Variants in DCLK1 observed in about 807,000 individuals in gnomAD.
DCLK1 encodes the protein serine/threonine-protein kinase DCLK1.
A neutral mutation model predicts 86.2 loss-of-function variants in DCLK1; 16 were observed. The observed-to-expected ratio is 0.19, with a 90% CI of 0.13 to 0.28. The LOEUF (loss-of-function observed/expected upper bound fraction) is 0.28, where lower values mean the gene tolerates loss of function less well. Among genes scored for constraint, DCLK1 ranks in the 10% least tolerant of loss-of-function variants. DCLK1 has a pLI of 1.00. For missense variants in DCLK1, 590 were observed against 940.2 expected (o/e 0.63, Z 4.87); for synonymous variants, 369 against 370.5 (o/e 1.00, Z 0.05).
intron 3 of DCLK1, among the ~76,000 whole-genome samples, chr13:36,100,080 C>CA (rs1305918251): frequency 3.4e-5 from 5 of 149,122 alleles, no homozygotes; most frequent in African/African-American, 1.2e-4. Context: ...TGGTGGCTCA[C>CA]ACCTGTAATC....
chr13:36,092,483 C>CTTT (rs71084405), intron 3 of DCLK1, among the ~76,000 whole-genome samples: 4 of 84,962 alleles, frequency 4.7e-5, no homozygotes, highest in African/African-American at 8.5e-5. Context: ...GAGGCGTTTT[C>CTTT]TTTTTTTTTT....
At chr13:35,922,033 T>C (rs7329353) in intron 4 of DCLK1, among the ~76,000 whole-genome samples, 82,969 of 152,008 alleles carry the variant, frequency 0.55, 25,597 homozygotes, top group Non-Finnish European at 0.67. Context: ...ATAAGTTCTA[T>C]CCAACAAAAA....
At chr13:35,973,093 A>G (rs1879148722) in intron 3 of DCLK1, among the ~76,000 whole-genome samples, 1 of 152,146 alleles carries the variant, frequency 6.6e-6, no homozygotes, top group African/African-American at 2.4e-5. Context: ...GAAAGGAATG[A>G]GGATGGCAGG....
chr13:36,092,830 G>T (rs1884885217), intron 3 of DCLK1, among the ~76,000 whole-genome samples: 1 of 152,144 alleles, frequency 6.6e-6, no homozygotes, highest in African/African-American at 2.4e-5. Flanking sequence ...ACGTCTTCCT[G>T]TTCCTTCCCA....
rs1280875461 is a variant in DCLK1, at chr13:35,770,643, TA to T, written c.*3891del. The T allele has an allele frequency of 1.3e-5, 2 of 152,156 alleles. No homozygotes were observed. Among genetic ancestry groups the T allele is most frequent in the Admixed American group, 6.5e-5 (1 of 15,278 alleles). The allele number at this position is 152,156 out of a possible 1,614,324, so 9.4% of individuals were successfully genotyped here. A position where few individuals can be genotyped will look rare whatever the true frequency, so the allele number is the denominator to read the frequency against. On this transcript the variant is annotated 3_prime_UTR_variant, in exon 17 of 17. Transcript: ENST00000360631. ...GCAAAAAAAAATATCATGTAGCAGT[TA>T]AAAAAATTATTGACTTACAAATTAT... is the stretch of plus-strand genomic sequence containing the variant.
At chr13:35,779,091 C>G (rs2086477823) in intron 16 of DCLK1, among the ~76,000 whole-genome samples, 1 of 152,094 alleles carries the variant, frequency 6.6e-6, no homozygotes, top group Non-Finnish European at 1.5e-5. Context: ...TCTTGGCTCA[C>G]TGCAACCGCC....
intron 3 of DCLK1, among the ~76,000 whole-genome samples, chr13:35,975,041 G>A (rs1879264476): frequency 6.6e-6 from 1 of 152,138 alleles, no homozygotes; most frequent in Non-Finnish European, 1.5e-5. Context: ...AAAAAAGTGA[G>A]GGCAGAGCTT....
intron 3 of DCLK1, among the ~76,000 whole-genome samples, chr13:36,041,133 A>G (rs1372226311): frequency 1.3e-5 from 2 of 152,174 alleles, no homozygotes; most frequent in Non-Finnish European, 1.5e-5. Flanking sequence ...CTCAGTTGAT[A>G]GAGCAAAGAA....
intron 8 of DCLK1, among the ~76,000 whole-genome samples, chr13:35,830,357 C>T (rs9788335): frequency 0.19 from 28,176 of 152,104 alleles, 2,895 homozygotes; most frequent in Admixed American, 0.29. Context: ...TGCCACTGCA[C>T]TCCAGCCTGG....
At chr13:36,033,996 A>C (rs183529554) in intron 3 of DCLK1, among the ~76,000 whole-genome samples, 93 of 152,350 alleles carry the variant, frequency 6.1e-4, no homozygotes, top group Non-Finnish European at 9.7e-4. Context: ...AGCTTGATAG[A>C]TAATGAGCAA....
At chr13:35,990,674 T>C (rs1257732344) in intron 3 of DCLK1, among the ~76,000 whole-genome samples, 1 of 151,926 alleles carries the variant, frequency 6.6e-6, no homozygotes, top group Non-Finnish European at 1.5e-5. Flanking sequence ...CTATGTAGAG[T>C]TGTCTACACT....
intron 10 of DCLK1, 56 bp from the exon 11 acceptor site, chr13:35,822,931 C>T (rs1482446569): frequency 6.3e-7 from 1 of 1,593,066 alleles, no homozygotes; most frequent in Non-Finnish European, 8.6e-7. Flanking sequence ...AGTGGGGCCA[C>T]CTGCAGAGGC....
At chr13:35,873,385 C>G (rs959233931) in intron 4 of DCLK1, among the ~76,000 whole-genome samples, 1 of 149,866 alleles carries the variant, frequency 6.7e-6, no homozygotes, top group Non-Finnish European at 1.5e-5. Flanking sequence ...ACAAATTGTA[C>G]TTTTTTTTTT....
chr13:36,064,195 C>T (rs754146744), intron 3 of DCLK1, among the ~76,000 whole-genome samples: 19 of 152,180 alleles, frequency 1.2e-4, no homozygotes, highest in Non-Finnish European at 2.4e-4. Context: ...CAAAATGAAG[C>T]ATCCACTAAT....
intron 3 of DCLK1, among the ~76,000 whole-genome samples, chr13:36,040,361 CTCCATAGG>C (rs1288737439): frequency 7.9e-6 from 1 of 126,596 alleles, no homozygotes; most frequent in African/African-American, 3.0e-5. Context: ...CAGGGTATTC[CTCCATAGG>C]AATACCCTGC....
intron 11 of DCLK1, among the ~76,000 whole-genome samples, chr13:35,812,056 A>T (rs1444368117): frequency 1.3e-5 from 2 of 152,182 alleles, no homozygotes; most frequent in Non-Finnish European, 2.9e-5. Context: ...GGTTTCCCTT[A>T]TTAAGGCAGT....
intron 4 of DCLK1, among the ~76,000 whole-genome samples, chr13:35,892,268 A>C (rs2086603634): frequency 6.6e-6 from 1 of 152,308 alleles, no homozygotes; most frequent in Non-Finnish European, 1.5e-5. Flanking sequence ...CTAAAATATA[A>C]CACAAAGAAT....
intron 3 of DCLK1, among the ~76,000 whole-genome samples, chr13:35,974,087 C>T (rs1879202532): frequency 6.6e-6 from 1 of 152,094 alleles, no homozygotes; most frequent in Non-Finnish European, 1.5e-5. Flanking sequence ...GAAAATAAAA[C>T]AAATAAAACA....
intron 3 of DCLK1, among the ~76,000 whole-genome samples, chr13:35,990,199 G>T (rs1312454643): frequency 6.6e-6 from 1 of 152,174 alleles, no homozygotes; most frequent in East Asian, 1.9e-4. Context: ...TTGAATATCA[G>T]AGTACAAGTT....
Sources: gnomAD v4.1 joint callset for allele counts (sites outside exome capture counted in the v4.1 genomes callset) on GRCh38, gnomAD v4.1.1 for gene constraint, MANE v1.5 for transcripts, NCBI Gene and HGNC (gene_info 2026-07-23, HGNC 2026-07-21) for gene names.